MICAL3: variants seen among roughly 807,000 people sequenced by gnomAD.
MICAL3 encodes the protein [F-actin]-monooxygenase MICAL3.
In MICAL3, 62 loss-of-function variants were observed where a neutral mutation model predicts 207.4. The observed-to-expected ratio is 0.30, with a 90% confidence interval of 0.24 to 0.37. The LOEUF is 0.37. Among genes scored for constraint, MICAL3 ranks in the 10% least tolerant of loss-of-function variants. The pLI, the probability that MICAL3 is intolerant of heterozygous loss-of-function variation, is 1.00. For missense variants in MICAL3, 2,368 were observed against 2,635.6 expected, an observed-to-expected ratio of 0.90 and a Z score of 2.22; for synonymous variants, 1,077 against 1,069.3, an observed-to-expected ratio of 1.01 and a Z score of -0.14.
At chr22:17,951,458 C>T (rs886138615) in intron 1 of MICAL3, among the ~76,000 whole-genome samples, 4 of 151,672 alleles carry the variant, frequency 2.6e-5, no homozygotes, top group East Asian at 1.9e-4. Context: ...CCCTGTGTGA[C>T]GCATGACACA....
chr22:17,898,631 C>T (rs1044654455), intron 7 of MICAL3, among the ~76,000 whole-genome samples: 1 of 152,268 alleles, frequency 6.6e-6, no homozygotes, highest in African/African-American at 2.4e-5. Context: ...TGAATCAGCA[C>T]AACTGGTGTC....
At chr22:17,827,606 C>A in intron 22 of MICAL3, 38 bp downstream of exon 22, 1 of 1,522,970 alleles carries the variant, frequency 6.6e-7, no homozygotes. Context: ...GCGGGTGGTG[C>A]TCGGGGCACA....
chr22:17,809,026 A>G (rs2062016069), intron 28 of MICAL3, 89 bp from the exon 29 acceptor site: 2 of 1,126,670 alleles, frequency 1.8e-6, no homozygotes, highest in Admixed American at 2.1e-5. Context: ...GGGGAAACAC[A>G]GGAGTTGCCG....
chr22:17,844,366 C>G (rs78963339), intron 19 of MICAL3, among the ~76,000 whole-genome samples: 1 of 152,208 alleles, frequency 6.6e-6, no homozygotes, highest in African/African-American at 2.4e-5. Flanking sequence ...GCAGGTGATT[C>G]AGCAATTTTT....
At chr22:17,898,281 C>A (rs56744840) in intron 7 of MICAL3, among the ~76,000 whole-genome samples, 1 of 152,216 alleles carries the variant, frequency 6.6e-6, no homozygotes, top group African/African-American at 2.4e-5. Flanking sequence ...AGCAATGTAA[C>A]CCTGATGTAG....
chr22:17,810,284 C>G lies in MICAL3; in HGVS notation c.5556+419G>C, dbSNP rs554263963. The stretch of plus-strand genomic sequence containing the variant: ...TTCACCGTGTTAGCCAGGATGGTCT[C>G]AATCTCCTGACCTTGTGATCCGCCC... On this transcript the variant is annotated intron_variant, in intron 28 of 31. Coordinates refer to ENST00000441493, the MANE Select transcript of MICAL3 (RefSeq NM_015241.3). 3.3e-5 allele frequency among the ~76,000 whole-genome samples: 5 copies of G among 152,188 alleles called. No homozygotes were observed. The South Asian group carries it at 8.3e-4, about 25-fold the overall frequency.
chr22:17,797,771 A>C (rs1296190655), intron 29 of MICAL3, among the ~76,000 whole-genome samples: 2 of 152,348 alleles, frequency 1.3e-5, no homozygotes, highest in South Asian at 4.1e-4. Flanking sequence ...TTTACTGAGC[A>C]CCCCAAACGC....
At chr22:17,903,822 C>T (rs1217660339) in intron 3 of MICAL3, among the ~76,000 whole-genome samples, 1 of 152,220 alleles carries the variant, frequency 6.6e-6, no homozygotes, top group Non-Finnish European at 1.5e-5. Flanking sequence ...CCATGACTGA[C>T]TGTGTTTACA....
intron 19 of MICAL3, among the ~76,000 whole-genome samples, chr22:17,848,170 A>T (rs1924841730): frequency 6.6e-6 from 1 of 152,244 alleles, no homozygotes; most frequent in African/African-American, 2.4e-5. Flanking sequence ...AATCGGTCAC[A>T]GTGACGTTCG....
At chr22:18,010,308 G>C (rs1923638162) in intron 1 of MICAL3, among the ~76,000 whole-genome samples, 1 of 151,794 alleles carries the variant, frequency 6.6e-6, no homozygotes, top group Non-Finnish European at 1.5e-5. Flanking sequence ...ACTTCTGTTT[G>C]ATTTAAGCAT....
intron 1 of MICAL3, among the ~76,000 whole-genome samples, chr22:18,009,137 A>G (rs1175812856): frequency 7.2e-6 from 1 of 139,568 alleles, no homozygotes; most frequent in East Asian, 2.2e-4. Context: ...AGGCACTGCA[A>G]AATAAAGTCT....
chr22:17,890,969 C>A (rs890237439), intron 12 of MICAL3, among the ~76,000 whole-genome samples: 15 of 152,194 alleles, frequency 9.9e-5, no homozygotes, highest in Admixed American at 7.9e-4. Flanking sequence ...CTGTAAAAAA[C>A]GCAGTCTTTA....
In MICAL3 at chr22:17,841,673, A is replaced by G; in HGVS notation, c.2801+149T>C. 1 of 719,588 alleles carries G rather than the reference A, an allele frequency of 1.4e-6. No homozygotes were observed. The allele number at this position is 719,588 out of a possible 1,614,324, so 44.6% of individuals were successfully genotyped here. A position where few individuals can be genotyped will look rare whatever the true frequency, so the allele number is the denominator to read the frequency against. On this transcript the variant is annotated intron_variant, in intron 20 of 31. Transcript: ENST00000441493. The surrounding 1 kb of genome is among the most constrained non-coding windows in gnomAD (Gnocchi z 4.2). ...CCTCACTGACTAGAAGATGAGGCTAAGAACCTAAAAGGGACTGGGGAGAAT... is the reference window on the plus strand; with the variant it reads ...CCTCACTGACTAGAAGATGAGGCTAGGAACCTAAAAGGGACTGGGGAGAAT...
intron 1 of MICAL3, among the ~76,000 whole-genome samples, chr22:17,978,645 A>C (rs1176678365): frequency 6.6e-6 from 1 of 151,670 alleles, no homozygotes; most frequent in Admixed American, 6.6e-5. Context: ...TCCTGAGTAG[A>C]GTAGCTGGGA....
intron 1 of MICAL3, among the ~76,000 whole-genome samples, chr22:17,961,742 G>A (rs1346391498): frequency 6.6e-6 from 1 of 152,160 alleles, no homozygotes; most frequent in African/African-American, 2.4e-5. Context: ...AACCGACTCT[G>A]GGGCTGGGCC....
intron 1 of MICAL3, among the ~76,000 whole-genome samples, chr22:17,962,228 G>A (rs116405716): frequency 4.6e-4 from 70 of 151,624 alleles, no homozygotes; most frequent in African/African-American, 1.7e-3. Flanking sequence ...GAAAACTAAC[G>A]TAAGTGCGAA....
chr22:17,995,070 C>G (rs1179082765), intron 1 of MICAL3, among the ~76,000 whole-genome samples: 1 of 152,192 alleles, frequency 6.6e-6, no homozygotes, highest in African/African-American at 2.4e-5. Context: ...TTGTCCTTGC[C>G]AAGGTCCTCA....
intron 29 of MICAL3, chr22:17,803,907 C>T (rs1355568939): frequency 1.0e-5 from 9 of 874,638 alleles, no homozygotes; most frequent in Admixed American, 6.2e-5. Context: ...ATCAGGTAGT[C>T]CTCCTGTCCC....
At chr22:17,804,644 C>T (rs960077964) in intron 29 of MICAL3, among the ~76,000 whole-genome samples, 1 of 152,224 alleles carries the variant, frequency 6.6e-6, no homozygotes, top group African/African-American at 2.4e-5. Flanking sequence ...AGACTGGGCA[C>T]TGCCGAGAGG....
Sources: allele counts gnomAD v4.1 joint callset (sites outside exome capture counted in the v4.1 genomes callset), GRCh38; gene constraint gnomAD v4.1.1; non-coding constraint Gnocchi (gnomAD v3.1); transcripts MANE v1.5; gene names NCBI Gene and HGNC (gene_info 2026-07-23, HGNC 2026-07-21).